The following SCLT1 variants were observed in gnomAD, a reference collection of about 807,000 sequenced individuals.
SCLT1 encodes the protein sodium channel and clathrin linker 1.
A neutral mutation model predicts 112.8 loss-of-function variants in SCLT1; 78 were observed. That is an observed-to-expected ratio of 0.69 (90% CI 0.58 to 0.83). The LOEUF (loss-of-function observed/expected upper bound fraction) is 0.83. Ranked by LOEUF, SCLT1 falls within the 40% of genes least tolerant of loss-of-function variation. SCLT1 has a pLI of 0.00. For missense variants in SCLT1, 747 were observed against 770.4 expected (o/e 0.97, Z 0.36); for synonymous variants, 257 against 254.7 (o/e 1.01, Z -0.09).
rs1734047179 is a variant in SCLT1 at position 128,899,129 on chromosome 4, AT to A, written c.1830-7993del. Among the ~76,000 whole-genome samples the A allele has an allele frequency of 4.6e-5, 7 of 152,218 alleles. No homozygotes were observed. In the South Asian group the frequency reaches 1.4e-3, roughly 31 times the overall value. On this transcript the variant is annotated intron_variant, in intron 18 of 20. Coordinates refer to ENST00000281142, the MANE Select transcript of SCLT1 (RefSeq NM_144643.4). ...AGCTGGTACCATTCCTTCTGAAACT[AT>A]CCCAATCAATAGAAAAAGAGGGAGT...
intron 10 of SCLT1, among the ~76,000 whole-genome samples, chr4:128,968,203 C>T (rs1187981905): frequency 6.6e-6 from 1 of 152,134 alleles, no homozygotes; most frequent in Non-Finnish European, 1.5e-5. Context: ...TCCAATTACA[C>T]TTATGTTGCA....
chr4:128,963,592 CT>C (rs973381781), intron 11 of SCLT1, among the ~76,000 whole-genome samples: 17 of 152,088 alleles, frequency 1.1e-4, no homozygotes, highest in African/African-American at 3.9e-4. Flanking sequence ...TCTCTTAGAC[CT>C]TTTTCTACTA....
intron 11 of SCLT1, among the ~76,000 whole-genome samples, chr4:128,964,462 T>C (rs563323403): frequency 6.6e-6 from 1 of 152,278 alleles, no homozygotes; most frequent in South Asian, 2.1e-4. Context: ...CAGGATGCAC[T>C]AGCACCTTGC....
chr4:129,091,312 C>T (rs1324196621), intron 1 of SCLT1, among the ~76,000 whole-genome samples: 1 of 151,746 alleles, frequency 6.6e-6, no homozygotes, highest in African/African-American at 2.4e-5. Flanking sequence ...TCTTCTGCTC[C>T]TTCTGCTTGA....
At position 128,888,726 on chromosome 4, in the gene SCLT1, T is replaced by G. The variant is rs767352530; in HGVS notation, c.1957A>C (p.Arg653=). The change falls in exon 20 of 21, where the codon AGG becomes CGG. Residue 653 remains arginine, a synonymous_variant. Transcript: ENST00000281142. ...CTCTCTTCTGCCTGACTTAGACGCCTTTGAAGTCTGTTGGCTTTTTCTTGA... is the reference window on the plus strand; with the variant it reads ...CTCTCTTCTGCCTGACTTAGACGCCGTTGAAGTCTGTTGGCTTTTTCTTGA... ...EHQEKANRLQ[R]RLSQAEERAA... The G allele has an allele frequency of 1.9e-6, 3 of 1,613,482 alleles. No homozygotes were observed. The highest frequency in any genetic ancestry group is 2.5e-6 in the Non-Finnish European group (3 of 1,179,528).
intron 18 of SCLT1, among the ~76,000 whole-genome samples, chr4:128,915,902 T>C (rs1003358187): frequency 6.6e-6 from 1 of 152,134 alleles, no homozygotes; most frequent in Non-Finnish European, 1.5e-5. Flanking sequence ...TTACTGACAG[T>C]GATGAATGCT....
rs757782994 is a variant in SCLT1 at position 128,884,498 on chromosome 4, C to T, written c.2046G>A (p.Leu682=). 2 of 1,603,592 alleles carry T rather than the reference C, an allele frequency of 1.2e-6. No individual in the cohort carries two copies. The highest frequency in any genetic ancestry group is 2.2e-5 in the South Asian group (2 of 90,872). ...ATTTTTAAATATTTTCCAGATTCAT[C>T]AGGGAGGCTGCTTTTCTTCTCTGCA... The part of the protein sequence containing the change: ...ITVQRRKAAS[L]MNLENI The change falls in exon 21 of 21, where the codon CTG becomes CTA. Residue 682 remains leucine, a synonymous_variant. Coordinates refer to ENST00000281142, the MANE Select transcript of SCLT1 (RefSeq NM_144643.4).
intron 5 of SCLT1, among the ~76,000 whole-genome samples, chr4:129,011,437 G>T (rs372604579): frequency 6.6e-6 from 1 of 152,120 alleles, no homozygotes; most frequent in South Asian, 2.1e-4. Flanking sequence ...CTCATAAAAT[G>T]AGTTTTATGG....
At chr4:128,982,926 T>A (rs1741786985) in intron 9 of SCLT1, among the ~76,000 whole-genome samples, 1 of 152,198 alleles carries the variant, frequency 6.6e-6, no homozygotes, top group African/African-American at 2.4e-5. Flanking sequence ...TTCACTCTTG[T>A]TGCCCAGGCT....
rs546645297 is a variant in SCLT1, at chr4:128,995,046, CT to C, written c.616-2810del. On this transcript the variant is annotated intron_variant, in intron 8 of 20. Transcript: ENST00000281142. ...GGTTTGATGCAGTCCCACTTGATTACTTTTTTCCTGCTGTCTGTACTTTTGG... is the reference window on the plus strand; with the variant it reads ...GGTTTGATGCAGTCCCACTTGATTACTTTTTCCTGCTGTCTGTACTTTTGG... Among the ~76,000 whole-genome samples, 21 of 152,194 alleles carry C rather than the reference CT, an allele frequency of 1.4e-4. No homozygotes were observed. In the South Asian group the frequency reaches 4.4e-3, roughly 32 times the overall value.
chr4:128,910,576 T>C (rs555546283), intron 18 of SCLT1, among the ~76,000 whole-genome samples: 1 of 152,302 alleles, frequency 6.6e-6, no homozygotes, highest in South Asian at 2.1e-4. Context: ...TTAATTTTTA[T>C]GGTTAGATCG....
At chr4:128,970,733 T>C (rs1372889504) in intron 9 of SCLT1, 11 of 291,470 alleles carry the variant, frequency 3.8e-5, no homozygotes, top group African/African-American at 2.2e-4. Flanking sequence ...TATACCAAAG[T>C]GATTCAATAA....
chr4:128,977,365 T>C (rs1026737549), intron 9 of SCLT1, among the ~76,000 whole-genome samples: 2 of 152,180 alleles, frequency 1.3e-5, no homozygotes, highest in African/African-American at 2.4e-5. Context: ...AAGTACTGTC[T>C]ATTGAGCACC....
chr4:129,023,233 C>T (rs954965953), intron 5 of SCLT1, among the ~76,000 whole-genome samples: 1 of 152,134 alleles, frequency 6.6e-6, no homozygotes, highest in Non-Finnish European at 1.5e-5. Flanking sequence ...AAGAAACTGC[C>T]TTAACTAATG....
chr4:129,058,236 A>C (rs1240366242), intron 2 of SCLT1, among the ~76,000 whole-genome samples: 1 of 151,734 alleles, frequency 6.6e-6, no homozygotes, highest in African/African-American at 2.4e-5. Context: ...TTCTACTCTG[A>C]CATTTATTAT....
chr4:128,935,974 T>C (rs1737147355), intron 18 of SCLT1, among the ~76,000 whole-genome samples: 1 of 152,164 alleles, frequency 6.6e-6, no homozygotes. Context: ...GGGCAGCTCA[T>C]ACTTAACACC....
intron 8 of SCLT1, among the ~76,000 whole-genome samples, chr4:128,997,533 C>T (rs1440721754): frequency 6.6e-6 from 1 of 151,770 alleles, no homozygotes; most frequent in Non-Finnish European, 1.5e-5. Context: ...ATTCATTAAA[C>T]AATTACACTA....
At chr4:128,881,780 A>G (rs917665421), downstream of SCLT1, among the ~76,000 whole-genome samples, 1 of 152,190 alleles carries the variant, frequency 6.6e-6, no homozygotes, top group Non-Finnish European at 1.5e-5. Flanking sequence ...AAACTCCACT[A>G]CATTTTTACA....
chr4:129,046,939 G>A (rs1382748977), intron 2 of SCLT1, among the ~76,000 whole-genome samples: 2 of 152,030 alleles, frequency 1.3e-5, no homozygotes, highest in Non-Finnish European at 2.9e-5. Context: ...CAGTTACAAA[G>A]CATTTTAAAT....
Sources: gnomAD v4.1 joint callset for allele counts (sites outside exome capture counted in the v4.1 genomes callset) on GRCh38, gnomAD v4.1.1 for gene constraint, MANE v1.5 for transcripts, NCBI Gene and HGNC (gene_info 2026-07-23, HGNC 2026-07-21) for gene names.